LINGO2: variants seen among roughly 807,000 people sequenced by gnomAD.
The protein encoded by LINGO2 is leucine-rich repeat and immunoglobulin-like domain-containing nogo receptor-interacting protein 2.
A neutral mutation model predicts 30.6 loss-of-function variants in LINGO2; 14 were observed. That is an observed-to-expected ratio of 0.46 (90% CI 0.30 to 0.72). The LOEUF (loss-of-function observed/expected upper bound fraction) is 0.72. LINGO2 is among the 30% of genes least tolerant of loss of function. The probability of loss-of-function intolerance (pLI) is 0.07; values close to 1 mark genes in which losing one functional copy is unlikely to be tolerated. For missense variants in LINGO2, 729 were observed against 751.7 expected, an observed-to-expected ratio of 0.97 and a Z score of 0.35; for synonymous variants, 317 against 288.5, an observed-to-expected ratio of 1.10 and a Z score of -1.00.
the LINGO2 span, among the ~76,000 whole-genome samples, chr9:29,171,506 T>C: frequency 6.6e-6 from 1 of 152,020 alleles, no homozygotes; most frequent in African/African-American, 2.4e-5. Flanking sequence ...TATACTGATA[T>C]ACTCAAATAT....
intron 4 of LINGO2, among the ~76,000 whole-genome samples, chr9:28,146,007 C>T (rs1827802768): frequency 6.6e-6 from 1 of 152,148 alleles, no homozygotes; most frequent in Non-Finnish European, 1.5e-5. Flanking sequence ...ATGGGAAGGG[C>T]CACAGTTGTA....
chr9:28,432,841 G>T (rs1034312859), intron 2 of LINGO2, among the ~76,000 whole-genome samples: 1 of 152,026 alleles, frequency 6.6e-6, no homozygotes, highest in African/African-American at 2.4e-5. Flanking sequence ...GTTGACTTCA[G>T]CTTGACTACA....
intron 4 of LINGO2, among the ~76,000 whole-genome samples, chr9:28,194,553 C>G (rs1819939706): frequency 8.6e-6 from 1 of 116,298 alleles, no homozygotes; most frequent in Admixed American, 9.7e-5. Flanking sequence ...GACCTAAACT[C>G]TCTATCCTAA....
At chr9:28,106,687 G>A (rs1015211436) in intron 4 of LINGO2, among the ~76,000 whole-genome samples, 1 of 152,090 alleles carries the variant, frequency 6.6e-6, no homozygotes, top group Non-Finnish European at 1.5e-5. Flanking sequence ...GTACCACAGT[G>A]TTTTAAAATC....
chr9:28,455,193 G>C (rs775658569), intron 2 of LINGO2, among the ~76,000 whole-genome samples: 25 of 151,942 alleles, frequency 1.6e-4, no homozygotes, highest in Non-Finnish European at 3.2e-4. Context: ...GGGAGACATC[G>C]GTTAAGGGAC....
chr9:28,140,177 G>T (rs1827632703), intron 4 of LINGO2, among the ~76,000 whole-genome samples: 1 of 152,274 alleles, frequency 6.6e-6, no homozygotes, highest in African/African-American at 2.4e-5. Context: ...ACAACTTCTG[G>T]GTTACTGTGA....
At chr9:28,859,513 T>G in the LINGO2 span, among the ~76,000 whole-genome samples, 287 of 152,210 alleles carry the variant, frequency 1.9e-3, 1 homozygote, top group African/African-American at 6.8e-3. Context: ...TTCTAAGTAT[T>G]TCACTCACAT....
intron 4 of LINGO2, among the ~76,000 whole-genome samples, chr9:28,123,533 C>T (rs1317857911): frequency 6.6e-6 from 1 of 152,160 alleles, no homozygotes; most frequent in African/African-American, 2.4e-5. Context: ...TGTATATAGT[C>T]CTCATGGCAC....
intron 1 of LINGO2, among the ~76,000 whole-genome samples, chr9:28,535,467 G>T (rs1287450695): frequency 6.6e-6 from 1 of 151,974 alleles, no homozygotes. Flanking sequence ...AGCCATTCTG[G>T]GGATGCTAGG....
chr9:28,076,269 T>G (rs1296742489), intron 4 of LINGO2, among the ~76,000 whole-genome samples: 1 of 152,144 alleles, frequency 6.6e-6, no homozygotes, highest in Admixed American at 6.5e-5. Flanking sequence ...TCTCATTTCT[T>G]TTTATACCTA....
intron 2 of LINGO2, among the ~76,000 whole-genome samples, chr9:28,456,139 A>G (rs908400946): frequency 6.6e-6 from 1 of 152,188 alleles, no homozygotes. Flanking sequence ...TTTATAAGCC[A>G]TATGCTATTC....
At chr9:27,992,201 CATATATA>C (rs67642224) in intron 5 of LINGO2, among the ~76,000 whole-genome samples, 35,231 of 151,864 alleles carry the variant, frequency 0.23, 4,590 homozygotes, top group African/African-American at 0.37. Flanking sequence ...CTGTCACTGA[CATATATA>C]AACATTTTGA....
the LINGO2 span, among the ~76,000 whole-genome samples, chr9:28,820,229 C>T: frequency 2.8e-5 from 4 of 142,546 alleles, no homozygotes; most frequent in East Asian, 2.1e-4. Context: ...GGAAAGGGCA[C>T]GTGCTGGAGA....
rs60201106 is a variant in LINGO2 at position 28,519,434 on chromosome 9, G to A, written c.-364-43409C>T. ...AGTATCATTGATGTATCATTACTTA[G>A]TTAAGACTTCCCTTTTTGGAAACGC... On this transcript the variant is annotated intron_variant, in intron 1 of 5. Transcript: ENST00000379992. 4.3e-3 allele frequency among the ~76,000 whole-genome samples: 650 copies of A among 152,216 alleles called. 7 individuals are homozygous for A. The highest frequency in any genetic ancestry group is 0.015 in the African/African-American group (622 of 41,524).
chr9:29,160,243 G>A, the LINGO2 span, among the ~76,000 whole-genome samples: 1 of 152,142 alleles, frequency 6.6e-6, no homozygotes, highest in Admixed American at 6.5e-5. Flanking sequence ...ACCATTGACC[G>A]AAGTCTAACA....
chr9:29,024,056 C>T, the LINGO2 span, among the ~76,000 whole-genome samples: 1 of 152,046 alleles, frequency 6.6e-6, no homozygotes, highest in African/African-American at 2.4e-5. Flanking sequence ...CTTCACTTTG[C>T]CCTGCTGCCA....
chr9:28,164,161 C>G (rs1455936935), intron 4 of LINGO2, among the ~76,000 whole-genome samples: 2 of 152,084 alleles, frequency 1.3e-5, no homozygotes, highest in African/African-American at 4.8e-5. Flanking sequence ...TGTTACCTAT[C>G]TATGTTGTTC....
chr9:27,949,873 G>C (rs1236376792), exon 6 of LINGO2: 2 of 1,614,094 alleles, frequency 1.2e-6, no homozygotes, highest in East Asian at 2.2e-5. Context: ...TTAAAGGCAA[G>C]GAAGGGTACA....
At chr9:28,586,031 GT>G (rs34131183) in intron 1 of LINGO2, among the ~76,000 whole-genome samples, 2 of 149,822 alleles carry the variant, frequency 1.3e-5, no homozygotes, top group African/African-American at 2.5e-5. Context: ...CATTAATTTT[GT>G]TTTTTTTTGT....
Sources: allele counts gnomAD v4.1 joint callset (sites outside exome capture counted in the v4.1 genomes callset), GRCh38; gene constraint gnomAD v4.1.1; transcripts MANE v1.5; gene names NCBI Gene and HGNC (gene_info 2026-07-23, HGNC 2026-07-21).